Variants in CDH12 observed in about 807,000 individuals in gnomAD.
CDH12 encodes cadherin 12, also known as cadherin-12.
In CDH12, 41 loss-of-function variants were observed where a neutral mutation model predicts 74.1. The ratio of observed to expected loss-of-function variants is 0.55; its 90% confidence interval spans 0.43 to 0.72. The LOEUF (loss-of-function observed/expected upper bound fraction) is 0.72, where lower values mean the gene tolerates loss of function less well. Among genes scored for constraint, CDH12 ranks in the 30% least tolerant of loss-of-function variants. The pLI is 0.00. For missense variants in CDH12, 945 were observed against 977.2 expected, an observed-to-expected ratio of 0.97 and a Z score of 0.44; for synonymous variants, 399 against 355.0, an observed-to-expected ratio of 1.12 and a Z score of -1.39.
intron 2 of CDH12, among the ~76,000 whole-genome samples, chr5:22,483,263 G>T (rs931340540): frequency 6.6e-6 from 1 of 152,090 alleles, no homozygotes; most frequent in Non-Finnish European, 1.5e-5. Context: ...CACTTCTGCT[G>T]TCTCAAGTTT....
intron 5 of CDH12, among the ~76,000 whole-genome samples, chr5:22,002,384 A>G (rs1480479443): frequency 6.6e-6 from 1 of 152,112 alleles, no homozygotes; most frequent in Admixed American, 6.6e-5. Flanking sequence ...ACTGTTCTAT[A>G]TACTATTTTG....
chr5:22,772,277 G>A (rs1746844614), intron 1 of CDH12, among the ~76,000 whole-genome samples: 1 of 152,026 alleles, frequency 6.6e-6, no homozygotes, highest in Non-Finnish European at 1.5e-5. Context: ...AAGTCCATGA[G>A]TCACGTGTAC....
chr5:21,764,478 T>A (rs548049942), intron 12 of CDH12, among the ~76,000 whole-genome samples: 6 of 151,062 alleles, frequency 4.0e-5, no homozygotes, highest in African/African-American at 1.5e-4. Context: ...AGACACCCCA[T>A]CTCTATTAAA....
Position 21,794,649 on chromosome 5 carries a change from G to A in CDH12, c.1256+7518C>T, listed in dbSNP as rs146845218. ...TTTTTCATTTAATATGTTTTGCATTGTTTCTGTATATTTGTTTCCTGTATA... is the reference window on the plus strand; with the variant it reads ...TTTTTCATTTAATATGTTTTGCATTATTTCTGTATATTTGTTTCCTGTATA... On this transcript the variant is annotated intron_variant, in intron 10 of 14. Transcript: ENST00000382254. 4.2e-3 allele frequency among the ~76,000 whole-genome samples: 639 copies of A among 151,296 alleles called. 5 individuals carry two copies. Among genetic ancestry groups the A allele is most frequent in the African/African-American group, 0.015 (613 of 41,360 alleles).
At chr5:22,007,257 C>A (rs2150149303) in intron 5 of CDH12, among the ~76,000 whole-genome samples, 1 of 152,214 alleles carries the variant, frequency 6.6e-6, no homozygotes, top group South Asian at 2.1e-4. Flanking sequence ...ATCTGTTATA[C>A]AACGTGGTGA....
intron 5 of CDH12, among the ~76,000 whole-genome samples, chr5:22,048,244 A>G (rs967990474): frequency 6.6e-6 from 1 of 152,200 alleles, no homozygotes; most frequent in African/African-American, 2.4e-5. Flanking sequence ...GAGACATATG[A>G]TCTAACAGAA....
At chr5:22,693,835 T>C (rs988456542) in intron 1 of CDH12, among the ~76,000 whole-genome samples, 12 of 152,152 alleles carry the variant, frequency 7.9e-5, no homozygotes, top group African/African-American at 2.9e-4. Flanking sequence ...ATTTTTAGAC[T>C]ATGAATTTGA....
rs1472856041 is a variant in CDH12, at chr5:22,349,415, T to C, written c.-333+55842A>G. Among the ~76,000 whole-genome samples, 5 of 152,302 alleles carry C rather than the reference T, an allele frequency of 3.3e-5. No individual in the cohort carries two copies. The East Asian group carries it at 9.7e-4, about 29-fold the overall frequency. ...TATAATTTCTCTTTCTCCATTCTTA[T>C]ATGTCTTATGCAGATTTCAATTCCT... On this transcript the variant is annotated intron_variant, in intron 3 of 14. Coordinates refer to ENST00000382254, the MANE Select transcript of CDH12 (RefSeq NM_004061.5).
In CDH12 at chr5:22,848,620, G is replaced by A. The variant is rs1737413378; in HGVS notation, c.-523+4438C>T. Among the ~76,000 whole-genome samples the A allele has an allele frequency of 2.0e-5, 3 of 152,080 alleles. No individual in the cohort carries two copies. In the South Asian group the frequency reaches 6.2e-4, roughly 32 times the overall value. ...GTCTGGGATCATTTTCCTTCTTGAA[G>A]CACATTGGTTAGTTAGTTTATCAGG... On this transcript the variant is annotated intron_variant, in intron 1 of 14. Transcript: ENST00000382254.
intron 6 of CDH12, among the ~76,000 whole-genome samples, chr5:21,885,454 T>C (rs1251169995): frequency 6.6e-6 from 1 of 152,138 alleles, no homozygotes; most frequent in Non-Finnish European, 1.5e-5. Context: ...GCTGATAGCA[T>C]CACCCTTTAG....
At chr5:22,496,511 A>G (rs1390179221) in intron 2 of CDH12, among the ~76,000 whole-genome samples, 1 of 152,192 alleles carries the variant, frequency 6.6e-6, no homozygotes, top group African/African-American at 2.4e-5. Context: ...TTTGCTTTAA[A>G]ATAGCACAAA....
At chr5:22,717,484 G>A (rs1367006140) in intron 1 of CDH12, among the ~76,000 whole-genome samples, 1 of 152,060 alleles carries the variant, frequency 6.6e-6, no homozygotes, top group South Asian at 2.1e-4. Flanking sequence ...CTAAGGACAC[G>A]TTTCTCAGAA....
intron 1 of CDH12, among the ~76,000 whole-genome samples, chr5:22,683,129 C>G (rs1237012775): frequency 6.6e-6 from 1 of 152,152 alleles, no homozygotes; most frequent in Admixed American, 6.5e-5. Context: ...ACAGACAGCA[C>G]TTATTGGAAA....
intron 1 of CDH12, among the ~76,000 whole-genome samples, chr5:22,758,350 A>G (rs1370007842): frequency 1.3e-5 from 2 of 152,206 alleles, no homozygotes; most frequent in Admixed American, 1.3e-4. Flanking sequence ...CTGGCGAAGC[A>G]TCTCTAAAGA....
chr5:22,244,394 A>C (rs1752844876), intron 3 of CDH12, among the ~76,000 whole-genome samples: 1 of 148,104 alleles, frequency 6.8e-6, no homozygotes, highest in Admixed American at 6.8e-5. Flanking sequence ...ACTAGGGAGG[A>C]TGAGGCACAA....
chr5:22,277,771 T>C (rs1037097356), intron 3 of CDH12, among the ~76,000 whole-genome samples: 1 of 151,988 alleles, frequency 6.6e-6, no homozygotes. Flanking sequence ...GAGGTGGAGA[T>C]TGCAGTGGGC....
intron 1 of CDH12, among the ~76,000 whole-genome samples, chr5:22,772,256 C>T (rs1353849766): frequency 6.6e-6 from 1 of 151,918 alleles, no homozygotes; most frequent in Non-Finnish European, 1.5e-5. Context: ...ACATAGAGAA[C>T]AACAAGTACA....
At chr5:22,170,286 T>A (rs1382479141) in intron 4 of CDH12, among the ~76,000 whole-genome samples, 1 of 151,890 alleles carries the variant, frequency 6.6e-6, no homozygotes, top group Non-Finnish European at 1.5e-5. Flanking sequence ...TTGTTCTGAT[T>A]TTCTTGATGT....
chr5:21,926,325 G>C (rs1331005902), intron 6 of CDH12, among the ~76,000 whole-genome samples: 2 of 152,158 alleles, frequency 1.3e-5, no homozygotes, highest in Admixed American at 1.3e-4. Context: ...TGCAGATGAG[G>C]TTTACACAAA....
Sources: allele counts gnomAD v4.1 joint callset (sites outside exome capture counted in the v4.1 genomes callset), GRCh38; gene constraint gnomAD v4.1.1; transcripts MANE v1.5; gene names NCBI Gene and HGNC (gene_info 2026-07-23, HGNC 2026-07-21).